Variants in SERGEF observed in about 807,000 individuals in gnomAD.
The protein encoded by SERGEF is secretion-regulating guanine nucleotide exchange factor.
A neutral mutation model predicts 50.0 loss-of-function variants in SERGEF; 51 were observed. That is an observed-to-expected ratio of 1.02 (90% CI 0.81 to 1.29). The LOEUF (loss-of-function observed/expected upper bound fraction) is 1.29, where lower values mean the gene tolerates loss of function less well. Ranked by LOEUF, SERGEF falls within the 50% of genes most tolerant of loss-of-function variation. SERGEF has a pLI of 0.00. For missense variants in SERGEF, 521 were observed against 557.0 expected, an observed-to-expected ratio of 0.94 and a Z score of 0.65; for synonymous variants, 205 against 212.4, an observed-to-expected ratio of 0.97 and a Z score of 0.30.
intron 10 of SERGEF, among the ~76,000 whole-genome samples, chr11:17,819,395 A>G (rs1296426060): frequency 6.6e-6 from 1 of 152,234 alleles, no homozygotes; most frequent in Non-Finnish European, 1.5e-5. Context: ...TGAAAGTAAC[A>G]TTCATTGACC....
At chr11:17,901,533 G>A (rs1851749429) in intron 9 of SERGEF, among the ~76,000 whole-genome samples, 1 of 152,176 alleles carries the variant, frequency 6.6e-6, no homozygotes, top group African/African-American at 2.4e-5. Flanking sequence ...AACCAAAGTG[G>A]ACTGTAAACT....
chr11:17,834,682 T>C (rs1045241066), intron 10 of SERGEF, among the ~76,000 whole-genome samples: 6 of 152,314 alleles, frequency 3.9e-5, no homozygotes, highest in Non-Finnish European at 8.8e-5. Flanking sequence ...AAGCCTGAAG[T>C]TTTTTGCTTC....
intron 10 of SERGEF, among the ~76,000 whole-genome samples, chr11:17,795,583 T>C (rs922648835): frequency 6.6e-6 from 1 of 152,118 alleles, no homozygotes; most frequent in Non-Finnish European, 1.5e-5. Context: ...GTAGTCTGTC[T>C]CTCATCACCC....
chr11:17,859,002 C>A (rs1850875543), intron 10 of SERGEF, among the ~76,000 whole-genome samples: 1 of 152,026 alleles, frequency 6.6e-6, no homozygotes, highest in South Asian at 2.1e-4. Context: ...TTAGCTGAAC[C>A]CAACCAGAAG....
chr11:17,960,511 C>T (rs183132770), intron 8 of SERGEF, among the ~76,000 whole-genome samples: 17 of 152,230 alleles, frequency 1.1e-4, no homozygotes, highest in Admixed American at 6.5e-4. Flanking sequence ...TAACCATGTG[C>T]GTTGTATAAA....
At chr11:17,894,633 G>A (rs1370751055) in intron 9 of SERGEF, among the ~76,000 whole-genome samples, 1 of 152,100 alleles carries the variant, frequency 6.6e-6, no homozygotes, top group Non-Finnish European at 1.5e-5. Context: ...GTACATAGTA[G>A]GTCTTAATGA....
intron 4 of SERGEF, 186 bp from the exon 5 acceptor site, chr11:18,000,743 T>C: frequency 1.4e-6 from 1 of 695,056 alleles, no homozygotes; most frequent in South Asian, 1.5e-5. Flanking sequence ...AAAATATATC[T>C]TTTAAAATAC....
chr11:17,860,558 G>T (rs1850908363), intron 10 of SERGEF, among the ~76,000 whole-genome samples: 4 of 152,196 alleles, frequency 2.6e-5, no homozygotes. Context: ...TTGGACAAAA[G>T]AGTGGGAAAA....
At chr11:17,910,170 T>TACACACACACAC (rs143977376) in intron 9 of SERGEF, among the ~76,000 whole-genome samples, 1 of 147,878 alleles carries the variant, frequency 6.8e-6, no homozygotes, top group South Asian at 2.2e-4. Flanking sequence ...ATTTGCCACC[T>TACACACACACAC]ACACACACAC....
chr11:17,861,792 A>C (rs768990960), intron 10 of SERGEF, among the ~76,000 whole-genome samples: 2 of 152,252 alleles, frequency 1.3e-5, no homozygotes, highest in Non-Finnish European at 2.9e-5. Flanking sequence ...TGGGGATTCT[A>C]GAGCCACAGT....
At chr11:17,921,411 A>G (rs1467967855) in intron 9 of SERGEF, among the ~76,000 whole-genome samples, 1 of 152,226 alleles carries the variant, frequency 6.6e-6, no homozygotes, top group Non-Finnish European at 1.5e-5. Flanking sequence ...CTGCCCATGT[A>G]AAATATCTAG....
At chr11:17,919,652 T>G (rs1024050911) in intron 9 of SERGEF, among the ~76,000 whole-genome samples, 1 of 152,168 alleles carries the variant, frequency 6.6e-6, no homozygotes, top group Non-Finnish European at 1.5e-5. Flanking sequence ...ACTCATCCTC[T>G]CTTATTCTCC....
intron 10 of SERGEF, among the ~76,000 whole-genome samples, chr11:17,825,581 T>C (rs190477739): frequency 2.0e-5 from 3 of 152,300 alleles, no homozygotes; most frequent in Admixed American, 6.5e-5. Flanking sequence ...TAGTCAACGT[T>C]CCTCTAAATT....
intron 8 of SERGEF, among the ~76,000 whole-genome samples, chr11:17,970,821 T>C (rs1853232698): frequency 6.6e-6 from 1 of 151,946 alleles, no homozygotes; most frequent in Admixed American, 6.6e-5. Context: ...TCTCTTCCAT[T>C]GTAGGAAGGC....
rs375179238 is a variant in SERGEF, at chr11:17,837,608, C to T, written c.1048+40600G>A. ...TCACCATAAACCAAGCAGAAGCCGG[C>T]GCCATGCTTCTTATACAGCCTGCAG... On this transcript the variant is annotated intron_variant, in intron 10 of 10. Coordinates refer to ENST00000265965, the MANE Select transcript of SERGEF (RefSeq NM_012139.4). Among the ~76,000 whole-genome samples the T allele has an allele frequency of 3.9e-4, 59 of 150,506 alleles. No individual in the cohort carries two copies. In the South Asian group the frequency reaches 0.01, roughly 26 times the overall value.
At chr11:17,964,477 A>G (rs1415883594) in intron 8 of SERGEF, among the ~76,000 whole-genome samples, 2 of 152,198 alleles carry the variant, frequency 1.3e-5, no homozygotes, top group Non-Finnish European at 2.9e-5. Flanking sequence ...GGTGATAGAA[A>G]GATAGATTAG....
chr11:17,981,263 A>C (rs1853490598), intron 8 of SERGEF, among the ~76,000 whole-genome samples: 1 of 152,266 alleles, frequency 6.6e-6, no homozygotes, highest in Non-Finnish European at 1.5e-5. Context: ...TACTATATGC[A>C]TATAGATAAG....
intron 10 of SERGEF, among the ~76,000 whole-genome samples, chr11:17,865,422 C>A (rs1363041427): frequency 1.3e-5 from 2 of 151,958 alleles, no homozygotes; most frequent in Non-Finnish European, 2.9e-5. Flanking sequence ...AAAAATACCT[C>A]CTAAAAGGCA....
chr11:17,983,325 C>T (rs1201035796), intron 8 of SERGEF, among the ~76,000 whole-genome samples: 1 of 152,216 alleles, frequency 6.6e-6, no homozygotes, highest in Non-Finnish European at 1.5e-5. Context: ...GATCTTTCTG[C>T]ACTCTTCAGG....
Sources: gnomAD v4.1 joint callset for allele counts (sites outside exome capture counted in the v4.1 genomes callset) on GRCh38, gnomAD v4.1.1 for gene constraint, MANE v1.5 for transcripts, NCBI Gene and HGNC (gene_info 2026-07-23, HGNC 2026-07-21) for gene names.